The following CADM1 variants were observed in gnomAD, a reference collection of about 807,000 sequenced individuals.
The protein encoded by CADM1 is cell adhesion molecule 1, also known as TSLC-1.
CADM1 carries 15 observed loss-of-function variants against 53.1 expected under a neutral mutation model. The observed-to-expected ratio is 0.28, with a 90% CI of 0.19 to 0.44. CADM1 has a LOEUF of 0.44. Among genes scored for constraint, CADM1 ranks in the 20% least tolerant of loss-of-function variants. CADM1 has a pLI of 1.00. For synonymous variants in CADM1, 281 were observed against 243.0 expected, an observed-to-expected ratio of 1.16 and a Z score of -1.45; for missense variants, 434 against 611.3, an observed-to-expected ratio of 0.71 and a Z score of 3.06.
intron 1 of CADM1, among the ~76,000 whole-genome samples, chr11:115,456,109 T>G (rs1187122823): frequency 1.3e-5 from 2 of 152,128 alleles, no homozygotes; most frequent in African/African-American, 4.8e-5. Context: ...CCAGCAAGGA[T>G]CCAACATGTT....
intron 9 of CADM1, among the ~76,000 whole-genome samples, chr11:115,193,123 T>C (rs1939970269): frequency 2.0e-5 from 3 of 152,200 alleles, no homozygotes. Flanking sequence ...TTTTCTTTCA[T>C]GTTAAAAATT....
intron 1 of CADM1, among the ~76,000 whole-genome samples, chr11:115,413,088 T>TA (rs1947498147): frequency 6.6e-6 from 1 of 152,172 alleles, no homozygotes; most frequent in Non-Finnish European, 1.5e-5. Flanking sequence ...CCTAAAGAAA[T>TA]ATCTGGTTTA....
intron 1 of CADM1, among the ~76,000 whole-genome samples, chr11:115,483,472 A>G (rs1220050841): frequency 2.6e-5 from 4 of 152,194 alleles, no homozygotes; most frequent in Non-Finnish European, 5.9e-5. Context: ...GATGAGCTAC[A>G]CCCATCTAAG....
intron 1 of CADM1, among the ~76,000 whole-genome samples, chr11:115,325,564 C>T (rs147561499): frequency 2.1e-3 from 320 of 152,236 alleles, no homozygotes; most frequent in African/African-American, 7.1e-3. Context: ...CAACAGCAGC[C>T]AAGACTGACT....
intron 1 of CADM1, among the ~76,000 whole-genome samples, chr11:115,462,371 A>G (rs904388396): frequency 2.0e-5 from 3 of 152,166 alleles, no homozygotes; most frequent in Non-Finnish European, 4.4e-5. Context: ...TGCACTACAT[A>G]CAGGGCTAAA....
chr11:115,429,244 A>C (rs1947976730), intron 1 of CADM1, among the ~76,000 whole-genome samples: 1 of 152,112 alleles, frequency 6.6e-6, no homozygotes, highest in African/African-American at 2.4e-5. Flanking sequence ...AAAAAATAGC[A>C]CTCTCTGAAT....
At chr11:115,254,816 T>C (rs1232930519) in intron 1 of CADM1, among the ~76,000 whole-genome samples, 1 of 152,144 alleles carries the variant, frequency 6.6e-6, no homozygotes, top group Non-Finnish European at 1.5e-5. Context: ...GGTCATTAGG[T>C]CCAGATATTG....
intron 1 of CADM1, among the ~76,000 whole-genome samples, chr11:115,284,875 G>A (rs1943689797): frequency 1.3e-5 from 2 of 152,102 alleles, no homozygotes; most frequent in African/African-American, 2.4e-5. Flanking sequence ...TTCTAAGTTC[G>A]TTCTTATTAA....
At chr11:115,220,870 G>A (rs1941380529) in intron 5 of CADM1, among the ~76,000 whole-genome samples, 1 of 152,178 alleles carries the variant, frequency 6.6e-6, no homozygotes, top group African/African-American at 2.4e-5. Flanking sequence ...CCATTGAAGA[G>A]CCTAACTACG....
intron 1 of CADM1, among the ~76,000 whole-genome samples, chr11:115,502,163 T>C (rs1423886475): frequency 6.6e-6 from 1 of 152,054 alleles, no homozygotes; most frequent in Non-Finnish European, 1.5e-5. Context: ...CACCGCGAGA[T>C]AGTTACAAAT....
intron 1 of CADM1, among the ~76,000 whole-genome samples, chr11:115,365,604 G>T (rs190358225): frequency 1.8e-3 from 270 of 151,560 alleles, no homozygotes; most frequent in African/African-American, 6.0e-3. Flanking sequence ...AAAGTAGAAG[G>T]TATGTATTTA....
chr11:115,316,202 C>T (rs187514792), intron 1 of CADM1, among the ~76,000 whole-genome samples: 20 of 152,264 alleles, frequency 1.3e-4, no homozygotes, highest in African/African-American at 4.6e-4. Flanking sequence ...GGGGACTCAC[C>T]CCTACTATTT....
chr11:115,474,552 C>T (rs952285582), intron 1 of CADM1, among the ~76,000 whole-genome samples: 8 of 151,696 alleles, frequency 5.3e-5, no homozygotes, highest in African/African-American at 1.9e-4. Flanking sequence ...TTTATAGGGA[C>T]ATGAATGAAG....
chr11:115,308,772 TTCCCTCCC>T (rs1944456603), intron 1 of CADM1, among the ~76,000 whole-genome samples: 2 of 148,754 alleles, frequency 1.3e-5, no homozygotes, highest in Non-Finnish European at 3.0e-5. Flanking sequence ...CTTTCCCTCC[TTCCCTCCC>T]TCCCTTCATC....
chr11:115,282,079 TA>T (rs1392856842), intron 1 of CADM1, among the ~76,000 whole-genome samples: 14 of 152,330 alleles, frequency 9.2e-5, no homozygotes, highest in African/African-American at 3.4e-4. Context: ...CTTGCTTTAT[TA>T]TTTTTTTTGG....
intron 1 of CADM1, among the ~76,000 whole-genome samples, chr11:115,359,146 T>C (rs2135087901): frequency 6.6e-6 from 1 of 152,294 alleles, no homozygotes; most frequent in African/African-American, 2.4e-5. Context: ...TTTGAGAAAC[T>C]GTTCCATACA....
chr11:115,190,219 C>G (rs1939779390), intron 10 of CADM1, among the ~76,000 whole-genome samples: 1 of 152,216 alleles, frequency 6.6e-6, no homozygotes, highest in African/African-American at 2.4e-5. Flanking sequence ...TTGTTTAGCT[C>G]TGACCACTTT....
intron 2 of CADM1, 87 bp from the exon 3 acceptor site, chr11:115,238,739 C>G: frequency 7.3e-7 from 1 of 1,367,614 alleles, no homozygotes; most frequent in East Asian, 2.3e-5. Context: ...CTTGCTGTAT[C>G]TGATACTTCT....
At chr11:115,351,470 G>A (rs951523679) in intron 1 of CADM1, among the ~76,000 whole-genome samples, 2 of 152,286 alleles carry the variant, frequency 1.3e-5, no homozygotes, top group Non-Finnish European at 2.9e-5. Flanking sequence ...TTGGTGTCAC[G>A]ATAAAAGAAT....
Sources: allele counts gnomAD v4.1 joint callset (sites outside exome capture counted in the v4.1 genomes callset), GRCh38; gene constraint gnomAD v4.1.1; transcripts MANE v1.5; gene names NCBI Gene and HGNC (gene_info 2026-07-23, HGNC 2026-07-21).